The following CLIC5 variants were observed in gnomAD, a reference collection of about 807,000 sequenced individuals.
CLIC5 encodes chloride intracellular channel protein 5.
In CLIC5, 20 loss-of-function variants were observed where a neutral mutation model predicts 24.7. The ratio of observed to expected loss-of-function variants is 0.81; its 90% CI spans 0.57 to 1.18. The LOEUF is 1.18. Ranked by LOEUF, CLIC5 falls within the 50% of genes most tolerant of loss-of-function variation. The pLI is 0.00. For missense variants in CLIC5, 341 were observed against 326.1 expected, an observed-to-expected ratio of 1.05 and a Z score of -0.35; for synonymous variants, 159 against 135.6, an observed-to-expected ratio of 1.17 and a Z score of -1.20.
chr6:46,004,277 G>C (rs1167780259), intron 1 of CLIC5, among the ~76,000 whole-genome samples: 1 of 152,200 alleles, frequency 6.6e-6, no homozygotes. Flanking sequence ...CTACGGTAGA[G>C]ACTAGCTCCA....
intron 1 of CLIC5, among the ~76,000 whole-genome samples, chr6:46,049,368 T>C (rs952727919): frequency 2.6e-5 from 4 of 152,204 alleles, no homozygotes; most frequent in Non-Finnish European, 5.9e-5. Context: ...TGTGATTAAG[T>C]TTTACCCATG....
At chr6:45,903,878 T>C (rs537903723) in intron 5 of CLIC5, among the ~76,000 whole-genome samples, 29 of 152,320 alleles carry the variant, frequency 1.9e-4, no homozygotes, top group Admixed American at 1.8e-3. Flanking sequence ...AGTTTTTCCC[T>C]TCTTTATTTA....
chr6:46,075,161 G>T (rs757275521), intron 1 of CLIC5, among the ~76,000 whole-genome samples: 1 of 152,124 alleles, frequency 6.6e-6, no homozygotes, highest in African/African-American at 2.4e-5. Context: ...TATGAGGAAG[G>T]TATCATAATG....
intron 1 of CLIC5, among the ~76,000 whole-genome samples, chr6:46,001,332 G>C (rs1766350060): frequency 1.3e-5 from 2 of 152,144 alleles, no homozygotes; most frequent in Admixed American, 1.3e-4. Context: ...GGGGGAGAGA[G>C]GGGAAGAGGT....
chr6:46,080,220 G>T, exon 1 of CLIC5: 1 of 1,551,128 alleles, frequency 6.4e-7, no homozygotes, highest in Non-Finnish European at 8.7e-7. Flanking sequence ...GTCATAGATG[G>T]TGCTGTAGTC....
chr6:45,961,573 C>T (rs1281236699), intron 1 of CLIC5, among the ~76,000 whole-genome samples: 4 of 152,178 alleles, frequency 2.6e-5, no homozygotes, highest in African/African-American at 9.6e-5. Flanking sequence ...GACAAAGAAG[C>T]TTTCTTTATA....
At chr6:46,073,854 C>T (rs1280853540) in intron 1 of CLIC5, among the ~76,000 whole-genome samples, 1 of 152,216 alleles carries the variant, frequency 6.6e-6, no homozygotes, top group Non-Finnish European at 1.5e-5. Flanking sequence ...CTCAACATCC[C>T]AATCCAGCTT....
chr6:45,901,893 G>C lies in CLIC5; in HGVS notation c.*1195C>G, dbSNP rs3224. 0.34 allele frequency: 51,642 copies of C among 152,252 alleles called. 9,049 individuals are homozygous for C. The highest frequency in any genetic ancestry group is 0.46 in the East Asian group (2,348 of 5,132). 9.4% of individuals were successfully genotyped at this position (152,252 alleles called of 1,614,324 possible). ...AAGTCTCATGGACTTTCTTCCTAAG[G>C]TGTTCTATGATCAGACCACCTCCTA... On this transcript the variant is annotated 3_prime_UTR_variant, in exon 6 of 6. Transcript: ENST00000339561.
chr6:46,098,280 A>C, the CLIC5 span, among the ~76,000 whole-genome samples: 1 of 152,192 alleles, frequency 6.6e-6, no homozygotes, highest in African/African-American at 2.4e-5. Context: ...TGGGTCAAGA[A>C]ATTTACATTT....
chr6:46,093,741 C>T, the CLIC5 span, among the ~76,000 whole-genome samples: 1 of 152,140 alleles, frequency 6.6e-6, no homozygotes, highest in Non-Finnish European at 1.5e-5. Context: ...GTAAAATTAA[C>T]ATATACTTAC....
chr6:45,970,934 T>C (rs1013130216), intron 1 of CLIC5, among the ~76,000 whole-genome samples: 1 of 152,226 alleles, frequency 6.6e-6, no homozygotes, highest in Non-Finnish European at 1.5e-5. Flanking sequence ...AGGTGATCCC[T>C]GCTTATGAAA....
the CLIC5 span, among the ~76,000 whole-genome samples, chr6:46,090,764 C>G: frequency 6.6e-6 from 1 of 152,166 alleles, no homozygotes; most frequent in Non-Finnish European, 1.5e-5. Flanking sequence ...ATATACAATG[C>G]ATTAAATTAA....
At chr6:45,989,072 G>A (rs1561986945) in intron 1 of CLIC5, among the ~76,000 whole-genome samples, 1 of 152,200 alleles carries the variant, frequency 6.6e-6, no homozygotes, top group South Asian at 2.1e-4. Context: ...TGATGTGCAG[G>A]ATTCTGTCTG....
At chr6:46,094,463 G>A in the CLIC5 span, among the ~76,000 whole-genome samples, 1 of 152,140 alleles carries the variant, frequency 6.6e-6, no homozygotes, top group Admixed American at 6.5e-5. Context: ...GGGGATATAG[G>A]CATTGGGTAA....
chr6:45,881,207 C>T, intron 6 of CLIC5: 1 of 398,200 alleles, frequency 2.5e-6, no homozygotes, highest in Non-Finnish European at 4.4e-6. Context: ...AAAGAAACAA[C>T]AGGATTTGAG....
intron 1 of CLIC5, among the ~76,000 whole-genome samples, chr6:45,957,823 A>G (rs1490769321): frequency 2.6e-5 from 4 of 152,136 alleles, no homozygotes; most frequent in Admixed American, 1.3e-4. Context: ...TGTTAAACTC[A>G]TGGGTTAAAT....
chr6:46,007,243 T>A (rs1766618987), intron 1 of CLIC5, among the ~76,000 whole-genome samples: 1 of 152,230 alleles, frequency 6.6e-6, no homozygotes, highest in South Asian at 2.1e-4. Flanking sequence ...TAGGCTTTCT[T>A]CAGAGTTAAA....
chr6:46,085,824 T>C, the CLIC5 span, among the ~76,000 whole-genome samples: 1 of 152,224 alleles, frequency 6.6e-6, no homozygotes, highest in African/African-American at 2.4e-5. Flanking sequence ...GTCTTTTTGT[T>C]TGTCTGTGCC....
chr6:45,964,975 G>A (rs971517296), intron 1 of CLIC5, among the ~76,000 whole-genome samples: 12 of 152,086 alleles, frequency 7.9e-5, no homozygotes, highest in South Asian at 2.1e-4. Context: ...CTTTATGGCC[G>A]CAGAAGGCAA....
Sources: allele counts gnomAD v4.1 joint callset (sites outside exome capture counted in the v4.1 genomes callset), GRCh38; gene constraint gnomAD v4.1.1; transcripts MANE v1.5; gene names NCBI Gene and HGNC (gene_info 2026-07-23, HGNC 2026-07-21).